STPG2: variants seen among roughly 807,000 people sequenced by gnomAD.
STPG2 encodes sperm-tail PG-rich repeat-containing protein 2.
STPG2 carries 56 observed loss-of-function variants against 54.2 expected under a neutral mutation model. The ratio of observed to expected loss-of-function variants is 1.03; its 90% CI spans 0.83 to 1.29. STPG2 has a LOEUF of 1.29. Ranked by LOEUF, STPG2 falls within the 50% of genes most tolerant of loss-of-function variation. STPG2 has a pLI of 0.00. For missense variants in STPG2, 596 were observed against 544.9 expected (o/e 1.09, Z -0.93); for synonymous variants, 200 against 181.8 (o/e 1.10, Z -0.81).
intron 7 of STPG2, among the ~76,000 whole-genome samples, chr4:97,960,252 G>A (rs569825752): frequency 5.9e-5 from 9 of 152,150 alleles, no homozygotes; most frequent in African/African-American, 2.2e-4. Flanking sequence ...ACTGAATGGG[G>A]AAAAGTTGAA....
At chr4:98,117,019 T>C (rs1037260769) in intron 3 of STPG2, among the ~76,000 whole-genome samples, 4 of 152,014 alleles carry the variant, frequency 2.6e-5, no homozygotes, top group Non-Finnish European at 5.9e-5. Context: ...GGCTTATATA[T>C]TTACCTTTAT....
intron 4 of STPG2, among the ~76,000 whole-genome samples, chr4:97,531,023 T>G (rs1415842986): frequency 6.6e-6 from 1 of 152,130 alleles, no homozygotes; most frequent in Non-Finnish European, 1.5e-5. Flanking sequence ...TTTTATAATC[T>G]GATTTAAAAA....
chr4:98,012,236 G>A (rs1274830911), intron 5 of STPG2, among the ~76,000 whole-genome samples: 1 of 152,094 alleles, frequency 6.6e-6, no homozygotes, highest in Admixed American at 6.6e-5. Context: ...TTTTTGTCAG[G>A]TTTGTCAAAG....
intron 6 of STPG2, among the ~76,000 whole-genome samples, chr4:97,976,248 A>C (rs1055578776): frequency 6.6e-6 from 1 of 152,212 alleles, no homozygotes; most frequent in Non-Finnish European, 1.5e-5. Context: ...GGTAATGTTT[A>C]GGAAAAAGAT....
chr4:97,680,816 T>C (rs1014957952), intron 10 of STPG2, among the ~76,000 whole-genome samples: 4 of 151,948 alleles, frequency 2.6e-5, no homozygotes, highest in Admixed American at 2.6e-4. Flanking sequence ...CTGTTACCCA[T>C]GAAGACCTGA....
intron 9 of STPG2, among the ~76,000 whole-genome samples, chr4:97,735,174 T>G (rs989233133): frequency 6.6e-5 from 10 of 151,894 alleles, no homozygotes; most frequent in Non-Finnish European, 2.9e-5. Flanking sequence ...TATTTATATA[T>G]AGTTCATATA....
intron 5 of STPG2, among the ~76,000 whole-genome samples, chr4:98,017,562 C>A (rs961396654): frequency 6.6e-6 from 1 of 152,192 alleles, no homozygotes; most frequent in African/African-American, 2.4e-5. Flanking sequence ...TTCCTACCCT[C>A]TTTAATGCAT....
chr4:97,904,768 T>C (rs879583954), intron 8 of STPG2, among the ~76,000 whole-genome samples: 2 of 152,138 alleles, frequency 1.3e-5, no homozygotes, highest in Non-Finnish European at 2.9e-5. Flanking sequence ...CTAAAGGAGC[T>C]GATGGAGCTG....
chr4:97,814,082 AC>A (rs1243711082), intron 9 of STPG2, among the ~76,000 whole-genome samples: 7 of 152,108 alleles, frequency 4.6e-5, no homozygotes, highest in African/African-American at 1.7e-4. Flanking sequence ...AAAATCAAAA[AC>A]AGTAATGGGA....
chr4:97,744,122 T>C (rs1185990480), intron 9 of STPG2, among the ~76,000 whole-genome samples: 2 of 151,540 alleles, frequency 1.3e-5, no homozygotes, highest in Non-Finnish European at 3.0e-5. Flanking sequence ...AGCTGTGTTA[T>C]AGAAGACTCT....
chr4:97,507,400 C>T (rs548674782), intron 4 of STPG2, among the ~76,000 whole-genome samples: 177 of 152,086 alleles, frequency 1.2e-3, no homozygotes, highest in African/African-American at 3.8e-3. Context: ...ATTGACAAAA[C>T]GAAAATAATG....
intron 5 of STPG2, among the ~76,000 whole-genome samples, chr4:97,998,165 T>G (rs146574070): frequency 9.3e-4 from 142 of 152,346 alleles, no homozygotes; most frequent in African/African-American, 3.3e-3. Context: ...TGTAATCCCA[T>G]GCTTCCATTA....
chr4:97,751,068 C>T (rs1201440233), intron 9 of STPG2, among the ~76,000 whole-genome samples: 1 of 151,780 alleles, frequency 6.6e-6, no homozygotes, highest in African/African-American at 2.4e-5. Context: ...CCAAGAAAGA[C>T]CTATCTAATG....
intron 10 of STPG2, among the ~76,000 whole-genome samples, chr4:97,594,612 G>A (rs942917970): frequency 6.6e-5 from 10 of 152,068 alleles, no homozygotes; most frequent in Admixed American, 2.6e-4. Flanking sequence ...CAACCTCACC[G>A]GAAAAGCCAA....
At chr4:97,742,598 A>G (rs946906068) in intron 9 of STPG2, among the ~76,000 whole-genome samples, 3 of 149,998 alleles carry the variant, frequency 2.0e-5, no homozygotes, top group East Asian at 3.9e-4. Flanking sequence ...TCAGGTCTTT[A>G]AAAAGATCTT....
At chr4:97,781,054 T>A (rs1277982887) in intron 9 of STPG2, among the ~76,000 whole-genome samples, 1 of 151,956 alleles carries the variant, frequency 6.6e-6, no homozygotes, top group African/African-American at 2.4e-5. Context: ...ATTCAAAAGC[T>A]AGCAGAAGGC....
At chr4:97,614,258 T>C (rs1276574912) in intron 10 of STPG2, among the ~76,000 whole-genome samples, 1 of 151,986 alleles carries the variant, frequency 6.6e-6, no homozygotes, top group African/African-American at 2.4e-5. Context: ...CAGTATTCTC[T>C]ACATTATTAG....
chr4:97,575,358 T>C (rs1030036040), intron 10 of STPG2, among the ~76,000 whole-genome samples: 3 of 151,922 alleles, frequency 2.0e-5, no homozygotes, highest in Non-Finnish European at 4.4e-5. Context: ...AACAGGCCAA[T>C]ATCTAAATCC....
chr4:97,903,898 A>T (rs1463691661), intron 8 of STPG2, among the ~76,000 whole-genome samples: 1 of 152,244 alleles, frequency 6.6e-6, no homozygotes, highest in Non-Finnish European at 1.5e-5. Context: ...CAACGGGCTT[A>T]AAAAATGGCG....
Sources: gnomAD v4.1 joint callset for allele counts (sites outside exome capture counted in the v4.1 genomes callset) on GRCh38, gnomAD v4.1.1 for gene constraint, MANE v1.5 for transcripts, NCBI Gene and HGNC (gene_info 2026-07-23, HGNC 2026-07-21) for gene names.